The following NLGN1 variants were observed in gnomAD, a reference collection of about 807,000 sequenced individuals.
NLGN1 encodes neuroligin 1.
In NLGN1, 12 loss-of-function variants were observed where a neutral mutation model predicts 65.5. The observed-to-expected ratio is 0.18, with a 90% confidence interval of 0.12 to 0.30. The LOEUF (loss-of-function observed/expected upper bound fraction) is 0.30, where lower values mean the gene tolerates loss of function less well. Among genes scored for constraint, NLGN1 ranks in the 10% least tolerant of loss-of-function variants. The pLI, the probability that NLGN1 is intolerant of heterozygous loss-of-function variation, is 1.00. For missense variants in NLGN1, 750 were observed against 1,007.1 expected, an observed-to-expected ratio of 0.74 and a Z score of 3.46; for synonymous variants, 350 against 359.5, an observed-to-expected ratio of 0.97 and a Z score of 0.30.
intron 2 of NLGN1, among the ~76,000 whole-genome samples, chr3:173,519,015 C>T (rs550139142): frequency 2.0e-5 from 3 of 152,254 alleles, no homozygotes; most frequent in East Asian, 3.9e-4. Context: ...ACACTGCTCC[C>T]TTCATCCCAG....
chr3:173,435,043 T>C (rs1354916800), exon 2 of NLGN1: 2 of 152,646 alleles, frequency 1.3e-5, no homozygotes, highest in Non-Finnish European at 2.9e-5. Flanking sequence ...AAGTTCCAAA[T>C]TTGTGACAAA....
At chr3:173,546,920 CATATGCATAAA>C (rs1385607885) in intron 2 of NLGN1, among the ~76,000 whole-genome samples, 1 of 152,064 alleles carries the variant, frequency 6.6e-6, no homozygotes, top group Non-Finnish European at 1.5e-5. Context: ...GTAATATGTG[CATATGCATAAA>C]AAAGCAATGA....
At chr3:173,605,125 T>G in intron 3 of NLGN1, 34 bp downstream of exon 2, 2 of 1,501,490 alleles carry the variant, frequency 1.3e-6, no homozygotes, top group African/African-American at 1.4e-5. Context: ...GGGAGATATA[T>G]TTATATATTT....
intron 4 of NLGN1, among the ~76,000 whole-genome samples, chr3:174,221,354 C>G (rs540085951): frequency 1.2e-4 from 18 of 152,074 alleles, no homozygotes; most frequent in Non-Finnish European, 2.5e-4. Flanking sequence ...AGCACCAGCA[C>G]TTTGCCAGCT....
intron 4 of NLGN1, among the ~76,000 whole-genome samples, chr3:173,947,935 A>T (rs1045579217): frequency 2.0e-5 from 3 of 152,214 alleles, no homozygotes; most frequent in Admixed American, 6.5e-5. Flanking sequence ...ACTCAATGGT[A>T]GTACCTGTTG....
At chr3:174,038,329 T>C (rs1464070044) in intron 4 of NLGN1, among the ~76,000 whole-genome samples, 1 of 152,174 alleles carries the variant, frequency 6.6e-6, no homozygotes, top group Non-Finnish European at 1.5e-5. Context: ...TCGAGTGTAC[T>C]AGGCTGATTC....
At chr3:173,956,959 AT>A (rs1055500948) in intron 4 of NLGN1, among the ~76,000 whole-genome samples, 1 of 152,064 alleles carries the variant, frequency 6.6e-6, no homozygotes, top group Middle Eastern at 3.4e-3. Context: ...ACTGAGTTGG[AT>A]TTTTTTTAAA....
At chr3:173,658,451 G>A (rs566958329) in intron 3 of NLGN1, among the ~76,000 whole-genome samples, 70 of 152,074 alleles carry the variant, frequency 4.6e-4, no homozygotes, top group African/African-American at 1.6e-3. Context: ...GCAATAATCC[G>A]AATTTGTTCC....
chr3:173,423,177 GA>G (rs1050763936), intron 1 of NLGN1, among the ~76,000 whole-genome samples: 1 of 152,122 alleles, frequency 6.6e-6, no homozygotes, highest in Non-Finnish European at 1.5e-5. Flanking sequence ...CAGCATGTGG[GA>G]AACTGCCCCT....
At chr3:174,109,322 C>T (rs1456333284) in intron 4 of NLGN1, among the ~76,000 whole-genome samples, 2 of 151,948 alleles carry the variant, frequency 1.3e-5, no homozygotes, top group Admixed American at 6.6e-5. Flanking sequence ...TACTTATTTG[C>T]ACCCTCCTAT....
At chr3:173,860,562 A>T (rs764553655) in intron 4 of NLGN1, among the ~76,000 whole-genome samples, 3 of 152,304 alleles carry the variant, frequency 2.0e-5, no homozygotes, top group African/African-American at 7.2e-5. Flanking sequence ...TTACAGTAGG[A>T]AGAAAAATGA....
chr3:174,095,754 C>A (rs1745399524), intron 4 of NLGN1, among the ~76,000 whole-genome samples: 1 of 151,982 alleles, frequency 6.6e-6, no homozygotes, highest in Non-Finnish European at 1.5e-5. Context: ...AATCCCAGCA[C>A]TTTGGGTGGC....
At position 173,641,838 on chromosome 3, in the gene NLGN1, A is replaced by G. The variant is rs73046470; in HGVS notation, c.493+36747A>G. Reference sequence around the variant, plus strand: ...GGTTTTGTAAATAATATTTTATTGGAACAGCTATGCTCTGTTGTTTACATA... The same window carrying G: ...GGTTTTGTAAATAATATTTTATTGGGACAGCTATGCTCTGTTGTTTACATA... On this transcript the variant is annotated intron_variant, in intron 3 of 6. Transcript: ENST00000457714. Among the ~76,000 whole-genome samples, 1,169 of 152,280 alleles carry G rather than the reference A, an allele frequency of 7.7e-3. 20 individuals carry two copies. The highest frequency in any genetic ancestry group is 0.027 in the African/African-American group (1,123 of 41,546).
chr3:173,931,482 A>G (rs1387998770), intron 4 of NLGN1, among the ~76,000 whole-genome samples: 1 of 152,162 alleles, frequency 6.6e-6, no homozygotes, highest in African/African-American at 2.4e-5. Context: ...GAAGTAAGCT[A>G]GAAAGTTAAG....
intron 4 of NLGN1, among the ~76,000 whole-genome samples, chr3:174,153,391 C>G (rs536734423): frequency 6.6e-6 from 1 of 152,192 alleles, no homozygotes; most frequent in Non-Finnish European, 1.5e-5. Flanking sequence ...CACTTTCCCA[C>G]ATACATTTAA....
chr3:173,778,608 T>C (rs1011268741), intron 3 of NLGN1, among the ~76,000 whole-genome samples: 2 of 151,946 alleles, frequency 1.3e-5, no homozygotes, highest in South Asian at 2.1e-4. Flanking sequence ...TTTAAAATTG[T>C]TACACAAAGA....
chr3:174,289,431 C>T (rs958593574), downstream of NLGN1, among the ~76,000 whole-genome samples: 3 of 151,348 alleles, frequency 2.0e-5, no homozygotes, highest in South Asian at 4.1e-4. Flanking sequence ...CTCTTTTCTA[C>T]ACACACAGCA....
At chr3:173,820,291 A>G (rs370029092) in intron 4 of NLGN1, among the ~76,000 whole-genome samples, 6 of 151,326 alleles carry the variant, frequency 4.0e-5, no homozygotes, top group African/African-American at 1.2e-4. Flanking sequence ...TTCTGAGACT[A>G]TAATGCATGA....
chr3:173,672,622 C>T (rs1238047183), intron 3 of NLGN1, among the ~76,000 whole-genome samples: 5 of 152,184 alleles, frequency 3.3e-5, no homozygotes. Flanking sequence ...TGTAGATTGC[C>T]TACAAGAAGG....
Sources: allele counts gnomAD v4.1 joint callset (sites outside exome capture counted in the v4.1 genomes callset), GRCh38; gene constraint gnomAD v4.1.1; transcripts MANE v1.5; gene names NCBI Gene and HGNC (gene_info 2026-07-23, HGNC 2026-07-21).